FBXL14: variants seen among roughly 807,000 people sequenced by gnomAD.
FBXL14 encodes the protein F-box/LRR-repeat protein 14.
In FBXL14, 11 loss-of-function variants were observed where a neutral mutation model predicts 24.5. The observed-to-expected ratio is 0.45, with a 90% CI of 0.28 to 0.74. The LOEUF (loss-of-function observed/expected upper bound fraction) is 0.74, where lower values mean the gene tolerates loss of function less well. Among genes scored for constraint, FBXL14 ranks in the 30% least tolerant of loss-of-function variants. FBXL14 has a pLI of 0.12. For synonymous variants in FBXL14, 294 were observed against 240.4 expected (o/e 1.22, Z -2.06); for missense variants, 384 against 545.6 (o/e 0.70, Z 2.95).
intron 1 of FBXL14, 140 bp downstream of exon 1, chr12:1,592,733 C>T: frequency 1.3e-6 from 1 of 743,928 alleles, no homozygotes; most frequent in Non-Finnish European, 2.0e-6. Flanking sequence ...AGGAAACGAG[C>T]CTGAGGCTTC....
rs1315894969 is a variant in FBXL14 at position 1,593,173 on chromosome 12, A to T, written c.894T>A (p.Ala298=). ...GGCCATCCAGCCCCTGGGCTATGTA[A>T]GCCAGACTCTGGTCTCCCACCTTGT... The part of the protein sequence containing the change: ...FCDKVGDQSL[A]YIAQGLDGLK... Residue 298 remains alanine (A), a synonymous_variant, in exon 1 of 2, where the codon GCT becomes GCA. Transcript: ENST00000339235. The surrounding 1 kb of genome is among the most constrained non-coding windows in gnomAD (Gnocchi z 7.4). 3 of 1,613,486 alleles carry T rather than the reference A, an allele frequency of 1.9e-6. No individual in the cohort carries two copies. In the Admixed American group the frequency reaches 5.0e-5, roughly 27 times the overall value.
intron 1 of FBXL14, among the ~76,000 whole-genome samples, chr12:1,588,479 A>C (rs952135525): frequency 1.3e-5 from 2 of 152,224 alleles, no homozygotes; most frequent in Admixed American, 1.3e-4. Context: ...GTTTATTTTT[A>C]GGATATACTG....
intron 1 of FBXL14, among the ~76,000 whole-genome samples, chr12:1,568,911 T>G (rs2094440696): frequency 6.6e-6 from 1 of 152,144 alleles, no homozygotes; most frequent in African/African-American, 2.4e-5. Flanking sequence ...CAGCTCTGTG[T>G]TGTCTACAAA....
chr12:1,577,016 G>C (rs2094457226), intron 1 of FBXL14, among the ~76,000 whole-genome samples: 1 of 152,202 alleles, frequency 6.6e-6, no homozygotes, highest in Non-Finnish European at 1.5e-5. Context: ...AGTCGTCTTA[G>C]CTGTGTTACT....
intron 1 of FBXL14, among the ~76,000 whole-genome samples, chr12:1,581,213 T>G (rs2094465630): frequency 1.5e-5 from 2 of 132,726 alleles, no homozygotes; most frequent in African/African-American, 2.7e-5. Flanking sequence ...ACCTTTAGGG[T>G]GGGGGGTGGG....
chr12:1,577,934 G>C (rs1446970243), intron 1 of FBXL14, among the ~76,000 whole-genome samples: 1 of 152,192 alleles, frequency 6.6e-6, no homozygotes, highest in African/African-American at 2.4e-5. Context: ...CTGCAGAGAA[G>C]CTCCATCGCC....
chr12:1,594,494 CGGGCGGCGAG>C lies in FBXL14; in HGVS notation c.-438_-429del, dbSNP rs2094497629. Among the ~76,000 whole-genome samples, 1 of 146,886 alleles carries C rather than the reference CGGGCGGCGAG, an allele frequency of 6.8e-6. No homozygotes were observed. The highest frequency in any genetic ancestry group is 1.5e-5 in the Non-Finnish European group (1 of 66,012). ...CCGCCGCCGCTGCTCCGCGGGCCGGCGGGCGGCGAGGGGGCCCCGGGGGCCGGGCGCACGG... is the reference window on the plus strand; with the variant it reads ...CCGCCGCCGCTGCTCCGCGGGCCGGCGGGGCCCCGGGGGCCGGGCGCACGG... On this transcript the variant is annotated 5_prime_UTR_variant, in exon 1 of 2. Coordinates refer to ENST00000339235, the MANE Select transcript of FBXL14 (RefSeq NM_152441.3).
chr12:1,577,179 CCT>C (rs2094457550), intron 1 of FBXL14, among the ~76,000 whole-genome samples: 1 of 152,162 alleles, frequency 6.6e-6, no homozygotes, highest in Non-Finnish European at 1.5e-5. Context: ...CACCATAGGC[CCT>C]CTGGGGGCCT....
chr12:1,585,918 T>C (rs1288248536), intron 1 of FBXL14, among the ~76,000 whole-genome samples: 1 of 152,250 alleles, frequency 6.6e-6, no homozygotes, highest in Non-Finnish European at 1.5e-5. Context: ...AGTTCCTAGC[T>C]TTGAAGCTCT....
At chr12:1,571,681 G>A (rs1295685538) in intron 1 of FBXL14, among the ~76,000 whole-genome samples, 4 of 152,112 alleles carry the variant, frequency 2.6e-5, no homozygotes, top group Non-Finnish European at 5.9e-5. Flanking sequence ...ATCAAAGAGC[G>A]ACTTTTTAAC....
At chr12:1,572,755 G>A (rs1433216028) in intron 1 of FBXL14, among the ~76,000 whole-genome samples, 2 of 152,174 alleles carry the variant, frequency 1.3e-5, no homozygotes, top group African/African-American at 4.8e-5. Context: ...GGAAGTGATA[G>A]AATCAGATTT....
At chr12:1,576,569 C>G (rs1320331793) in intron 1 of FBXL14, among the ~76,000 whole-genome samples, 2 of 152,194 alleles carry the variant, frequency 1.3e-5, no homozygotes, top group Non-Finnish European at 2.9e-5. Context: ...TGAAGCCCAG[C>G]TCTGTAAAGC....
chr12:1,588,158 T>A (rs1268991799), intron 1 of FBXL14, among the ~76,000 whole-genome samples: 1 of 152,216 alleles, frequency 6.6e-6, no homozygotes, highest in African/African-American at 2.4e-5. Context: ...ACAAATCTGA[T>A]CTTTTAATCA....
At chr12:1,590,996 A>T (rs960207994) in intron 1 of FBXL14, among the ~76,000 whole-genome samples, 1 of 152,082 alleles carries the variant, frequency 6.6e-6, no homozygotes. Context: ...TCACCTCTAG[A>T]TCTCATTTTC....
chr12:1,593,485 C>G lies in FBXL14; in HGVS notation c.582G>C (p.Thr194=). ...CCAGGCAGCCCTCCGCCGCGCTGCG[C>G]GTCATGCCGGCCAGGTGCCCGATGC... The part of the protein sequence containing the change: ...DVGIGHLAGM[T]RSAAEGCLGL... The change falls in exon 1 of 2, where the codon ACG becomes ACC. Residue 194 remains threonine (T), a synonymous_variant. Transcript: ENST00000339235. The surrounding 1 kb of genome is among the most constrained non-coding windows in gnomAD (Gnocchi z 7.4). 1.2e-6 allele frequency: 2 copies of G among 1,613,800 alleles called. No homozygotes were observed. The highest frequency in any genetic ancestry group is 1.7e-6 in the Non-Finnish European group (2 of 1,179,972).
In FBXL14 at chr12:1,593,282, G is replaced by T; in HGVS notation, c.785C>A (p.Ser262Tyr). The T allele has an allele frequency of 1.2e-6, 2 of 1,612,826 alleles. No homozygotes were observed. The highest frequency in any genetic ancestry group is 1.7e-6 in the Non-Finnish European group (2 of 1,179,842). Residue 262 changes from serine to tyrosine, a missense_variant, in exon 1 of 2, where the codon TCC (serine) becomes TAC (tyrosine). Ser to Tyr is a moderately radical substitution (Grantham distance 144). Coordinates refer to ENST00000339235, the MANE Select transcript of FBXL14 (RefSeq NM_152441.3). This position sits in a 1 kb window ranked among gnomAD's most constrained non-coding sequence, Gnocchi z 7.4. ...GCCCGTGTCACTGATGTTGTCACAG[G>T]AGCGCAGGTTGAGGCTGCGCAGGCT... ...MGSLRSLNLR[S>Y]CDNISDTGIM... is the part of the protein sequence containing the mutation.
At chr12:1,580,835 C>T (rs954856062) in intron 1 of FBXL14, among the ~76,000 whole-genome samples, 3 of 152,114 alleles carry the variant, frequency 2.0e-5, no homozygotes, top group Non-Finnish European at 4.4e-5. Context: ...AGTGGAGGAG[C>T]GGGAAGGTGT....
chr12:1,573,648 C>G (rs1174665238), intron 1 of FBXL14, among the ~76,000 whole-genome samples: 2 of 152,156 alleles, frequency 1.3e-5, no homozygotes, highest in Admixed American at 1.3e-4. Flanking sequence ...GAAGAGTTCT[C>G]CAGTCAAACA....
intron 1 of FBXL14, among the ~76,000 whole-genome samples, chr12:1,570,957 G>T (rs572733742): frequency 6.6e-6 from 1 of 152,194 alleles, no homozygotes; most frequent in Non-Finnish European, 1.5e-5. Context: ...TCCTCCAGAT[G>T]AGCGGTTGCT....
Sources: allele counts gnomAD v4.1 joint callset (sites outside exome capture counted in the v4.1 genomes callset), GRCh38; gene constraint gnomAD v4.1.1; non-coding constraint Gnocchi (gnomAD v3.1); transcripts MANE v1.5; gene names NCBI Gene and HGNC (gene_info 2026-07-23, HGNC 2026-07-21).